Variants in GBE1 observed in about 807,000 individuals in gnomAD.
GBE1 encodes 1,4-alpha-glucan-branching enzyme.
GBE1 carries 70 observed loss-of-function variants against 88.8 expected under a neutral mutation model. The observed-to-expected ratio is 0.79, with a 90% confidence interval of 0.65 to 0.96. The LOEUF (loss-of-function observed/expected upper bound fraction) is 0.96, where lower values mean the gene tolerates loss of function less well. Among genes scored for constraint, GBE1 ranks in the 40% least tolerant of loss-of-function variants. The pLI is 0.00. For synonymous variants in GBE1, 284 were observed against 300.1 expected, an observed-to-expected ratio of 0.95 and a Z score of 0.56; for missense variants, 872 against 871.0, an observed-to-expected ratio of 1.00 and a Z score of -0.01.
chr3:81,697,085 C>T (rs1035194572), intron 2 of GBE1, among the ~76,000 whole-genome samples: 1 of 152,054 alleles, frequency 6.6e-6, no homozygotes, highest in Non-Finnish European at 1.5e-5. Context: ...AAGACTGCCC[C>T]CCACACCAGT....
intron 7 of GBE1, among the ~76,000 whole-genome samples, chr3:81,636,864 T>C (rs901103647): frequency 1.3e-5 from 2 of 152,098 alleles, no homozygotes; most frequent in African/African-American, 4.8e-5. Flanking sequence ...AAGGCAGGTG[T>C]TTATATGTCT....
chr3:81,666,028 G>A (rs955861090), intron 3 of GBE1, among the ~76,000 whole-genome samples: 1 of 151,940 alleles, frequency 6.6e-6, no homozygotes, highest in Non-Finnish European at 1.5e-5. Context: ...TTTATACCTT[G>A]TAGACATCAC....
chr3:81,697,861 C>T (rs950513567), intron 2 of GBE1, among the ~76,000 whole-genome samples: 3 of 151,714 alleles, frequency 2.0e-5, no homozygotes, highest in Admixed American at 6.6e-5. Context: ...GTCTAACACA[C>T]GCAGCATTTT....
chr3:81,565,872 AATCT>A (rs1379494047), intron 12 of GBE1, among the ~76,000 whole-genome samples: 3 of 152,216 alleles, frequency 2.0e-5, no homozygotes, highest in Non-Finnish European at 2.9e-5. Context: ...TTTGCATATA[AATCT>A]ATTTACATAC....
At chr3:81,661,397 C>T (rs1051436643) in intron 3 of GBE1, among the ~76,000 whole-genome samples, 8 of 152,032 alleles carry the variant, frequency 5.3e-5, no homozygotes, top group Non-Finnish European at 1.2e-4. Flanking sequence ...TTTGTACAAG[C>T]ATTAAATAAA....
chr3:81,583,060 TAAAAGATATGAACAGATACCTCACC>T (rs1471568107), intron 10 of GBE1, among the ~76,000 whole-genome samples: 2 of 152,076 alleles, frequency 1.3e-5, no homozygotes. Flanking sequence ...AAGAAATGGT[TAAAAGATATGAACAGATACCTCACC>T]AAAGAGGATA....
intron 7 of GBE1, among the ~76,000 whole-genome samples, chr3:81,619,135 C>G (rs1184751499): frequency 6.6e-6 from 1 of 151,794 alleles, no homozygotes; most frequent in Non-Finnish European, 1.5e-5. Flanking sequence ...ATATATTTAG[C>G]ATTTGTCTCT....
rs556405593 is a variant in GBE1, at chr3:81,571,157, T to C, written c.1618+6768A>G. Among the ~76,000 whole-genome samples the C allele has an allele frequency of 1.8e-4, 27 of 152,330 alleles. No homozygotes were observed. The East Asian group carries it at 5.0e-3, about 28-fold the overall frequency. On this transcript the variant is annotated intron_variant, in intron 12 of 15. Transcript: ENST00000429644. ...TCCAGGAGTCTGACTTCCTACATCA[T>C]GTCCCATAGCGTTATCTGCACACAC...
At chr3:81,737,333 T>TTATATATATTTATATAAATATATA (rs1706273489) in intron 1 of GBE1, among the ~76,000 whole-genome samples, 2 of 54,178 alleles carry the variant, frequency 3.7e-5, no homozygotes, top group Non-Finnish European at 7.3e-5. Context: ...ATATATATTT[T>TTATATATATTTATATAAATATATA]TATATATATT....
At chr3:81,750,613 ATATG>A (rs1217455866) in intron 1 of GBE1, among the ~76,000 whole-genome samples, 1 of 76,484 alleles carries the variant, frequency 1.3e-5, no homozygotes, top group Non-Finnish European at 2.2e-5. Context: ...GTATATATAT[ATATG>A]TATATATATA....
rs149904713 is a variant in GBE1 at position 81,761,266 on chromosome 3, G to A, written c.143+109C>T. 1.3e-5 allele frequency: 18 copies of A among 1,407,130 alleles called. 2 individuals are homozygous for A. In the African/African-American group the frequency reaches 1.9e-4, roughly 15 times the overall value. The allele number at this position is 1,407,130 out of a possible 1,614,324, so 87.2% of individuals were successfully genotyped here. ...GCCCCGCCCACTCAGGTTCCTCCCCGCCTGGGGCGGGGTTGGCGCGCGAGG... is the reference window on the plus strand; with the variant it reads ...GCCCCGCCCACTCAGGTTCCTCCCCACCTGGGGCGGGGTTGGCGCGCGAGG... On this transcript the variant is annotated intron_variant, in intron 1 of 15. Transcript: ENST00000429644.
chr3:81,579,081 A>C (rs1430634472), intron 11 of GBE1, among the ~76,000 whole-genome samples: 1 of 151,980 alleles, frequency 6.6e-6, no homozygotes, highest in Non-Finnish European at 1.5e-5. Flanking sequence ...TTATAAAATT[A>C]TTTTAATAAC....
chr3:81,582,185 T>C (rs1703740598), intron 10 of GBE1, among the ~76,000 whole-genome samples: 1 of 152,020 alleles, frequency 6.6e-6, no homozygotes, highest in African/African-American at 2.4e-5. Context: ...ATCATTGCAG[T>C]GCGAATCTTT....
At chr3:81,626,737 TAAA>T (rs58831741) in intron 7 of GBE1, among the ~76,000 whole-genome samples, 1,907 of 141,452 alleles carry the variant, frequency 0.013, 51 homozygotes, top group African/African-American at 0.045. Flanking sequence ...TCAGACTCAT[TAAA>T]AAAAAAAAAA....
chr3:81,627,965 A>G (rs1704442223), intron 7 of GBE1, among the ~76,000 whole-genome samples: 1 of 151,936 alleles, frequency 6.6e-6, no homozygotes. Flanking sequence ...GCTTGGCCAC[A>G]TATTTTTAAT....
chr3:81,568,996 T>C (rs1054343867), intron 12 of GBE1, among the ~76,000 whole-genome samples: 2 of 152,078 alleles, frequency 1.3e-5, no homozygotes, highest in African/African-American at 2.4e-5. Context: ...CCCCAAAATA[T>C]GAATTGACAT....
chr3:81,588,540 C>T (rs1373992794), intron 9 of GBE1, among the ~76,000 whole-genome samples: 2 of 152,006 alleles, frequency 1.3e-5, no homozygotes, highest in East Asian at 1.9e-4. Flanking sequence ...AATCATGAAA[C>T]CCAAACATCC....
chr3:81,592,327 A>G (rs538348261), intron 8 of GBE1, among the ~76,000 whole-genome samples: 1 of 152,232 alleles, frequency 6.6e-6, no homozygotes. Context: ...CCATCATTCA[A>G]CTAGCAAATG....
intron 2 of GBE1, among the ~76,000 whole-genome samples, chr3:81,688,797 CTTAA>C (rs1705478377): frequency 6.6e-6 from 1 of 151,442 alleles, no homozygotes; most frequent in Admixed American, 6.6e-5. Context: ...TAAAACAGAT[CTTAA>C]TTTTCTCTTT....
Sources: allele counts gnomAD v4.1 joint callset (sites outside exome capture counted in the v4.1 genomes callset), GRCh38; gene constraint gnomAD v4.1.1; transcripts MANE v1.5; gene names NCBI Gene and HGNC (gene_info 2026-07-23, HGNC 2026-07-21).